Variants in PRKCE observed in about 807,000 individuals in gnomAD.
PRKCE encodes protein kinase C epsilon, also known as protein kinase C epsilon type.
In PRKCE, 16 loss-of-function variants were observed where a neutral mutation model predicts 85.4. That is an observed-to-expected ratio of 0.19 (90% CI 0.13 to 0.28). The LOEUF (loss-of-function observed/expected upper bound fraction) is 0.28. PRKCE is among the 10% of genes least tolerant of loss of function. PRKCE has a pLI of 1.00. For missense variants in PRKCE, 573 were observed against 975.2 expected, an observed-to-expected ratio of 0.59 and a Z score of 5.49; for synonymous variants, 388 against 371.5, an observed-to-expected ratio of 1.04 and a Z score of -0.51.
chr2:45,906,311 A>C (rs1460325528), intron 2 of PRKCE, among the ~76,000 whole-genome samples: 1 of 152,242 alleles, frequency 6.6e-6, no homozygotes, highest in East Asian at 1.9e-4. Flanking sequence ...GACATTGCCA[A>C]GGTGCAGAGA....
chr2:45,905,873 G>T lies in PRKCE; in HGVS notation c.412+62810G>T, dbSNP rs146132092. Among the ~76,000 whole-genome samples, 1,076 of 152,294 alleles carry T rather than the reference G, an allele frequency of 7.1e-3. 3 individuals are homozygous for T. The highest frequency in any genetic ancestry group is 0.011 in the Non-Finnish European group (767 of 68,024). On this transcript the variant is annotated intron_variant, in intron 2 of 14. Transcript: ENST00000306156. This position sits in a 1 kb window ranked among gnomAD's most constrained non-coding sequence, Gnocchi z 4.4. ...CACAGTGGGAATAATTTCCTTGAAGGTCTTTACTCCAAGAGGTTCCCTGGG... is the reference window on the plus strand; with the variant it reads ...CACAGTGGGAATAATTTCCTTGAAGTTCTTTACTCCAAGAGGTTCCCTGGG...
At chr2:45,938,355 A>G (rs1699628626) in intron 2 of PRKCE, among the ~76,000 whole-genome samples, 1 of 152,180 alleles carries the variant, frequency 6.6e-6, no homozygotes, top group African/African-American at 2.4e-5. Context: ...ATCCTCCAAG[A>G]AAGGACACAG....
chr2:45,740,079 G>T (rs1440551996), intron 1 of PRKCE, among the ~76,000 whole-genome samples: 1 of 151,962 alleles, frequency 6.6e-6, no homozygotes, highest in South Asian at 2.1e-4. Context: ...CTACCTGGGA[G>T]GCTGAGGCTG....
At position 45,774,856 on chromosome 2, in the gene PRKCE, G is replaced by T. The variant is rs1032556575; in HGVS notation, c.349-68144G>T. Among the ~76,000 whole-genome samples the T allele has an allele frequency of 6.6e-6, 1 of 152,084 alleles. No homozygotes were observed. The highest frequency in any genetic ancestry group is 6.5e-5 in the Admixed American group (1 of 15,276). The stretch of plus-strand genomic sequence containing the variant: ...TCCTGCTCCTCCCATTCCTGAGTTC[G>T]TCTCCAAGTCCAGGGTATCACTGTG... On this transcript the variant is annotated intron_variant, in intron 1 of 14. Transcript: ENST00000306156. This position sits in a 1 kb window ranked among gnomAD's most constrained non-coding sequence, Gnocchi z 4.3.
chr2:46,157,514 C>G (rs1466757747), intron 13 of PRKCE, among the ~76,000 whole-genome samples: 1 of 152,164 alleles, frequency 6.6e-6, no homozygotes, highest in Non-Finnish European at 1.5e-5. Context: ...GACAGCTCCC[C>G]CCACCCACCC....
At chr2:46,118,707 C>T (rs1368715674) in intron 11 of PRKCE, among the ~76,000 whole-genome samples, 1 of 152,058 alleles carries the variant, frequency 6.6e-6, no homozygotes, top group Admixed American at 6.6e-5. Flanking sequence ...AGGATGAGAC[C>T]TAAGGAAAAA....
intron 1 of PRKCE, among the ~76,000 whole-genome samples, chr2:45,694,831 C>G (rs1184799435): frequency 2.0e-5 from 3 of 152,154 alleles, no homozygotes; most frequent in Non-Finnish European, 2.9e-5. Context: ...TCAGGTAGGA[C>G]AAACCTGAAA....
At chr2:45,870,133 C>G (rs1339910239) in intron 2 of PRKCE, among the ~76,000 whole-genome samples, 1 of 152,200 alleles carries the variant, frequency 6.6e-6, no homozygotes, top group Non-Finnish European at 1.5e-5. Context: ...TTGCAGCTAC[C>G]TCTGAAGGGC....
In PRKCE at chr2:46,069,255, A is replaced by G. The variant is rs139744636; in HGVS notation, c.1438-16953A>G. Among the ~76,000 whole-genome samples, 504 of 152,336 alleles carry G rather than the reference A, an allele frequency of 3.3e-3. 3 individuals are homozygous for G. The highest frequency in any genetic ancestry group is 0.012 in the African/African-American group (479 of 41,588). On this transcript the variant is annotated intron_variant, in intron 10 of 14. Coordinates refer to ENST00000306156, the MANE Select transcript of PRKCE (RefSeq NM_005400.3). ...CTTACCTGTTGCTCACCACCTGGAA[A>G]GTGAAATATCTCCAAATTGCCAGTC...
intron 1 of PRKCE, among the ~76,000 whole-genome samples, chr2:45,763,938 C>G (rs779364534): frequency 6.6e-6 from 1 of 152,154 alleles, no homozygotes; most frequent in Non-Finnish European, 1.5e-5. Flanking sequence ...ATCTGACATC[C>G]TTTTACCTAA....
chr2:45,934,648 C>G (rs374182151), intron 2 of PRKCE, among the ~76,000 whole-genome samples: 1 of 132,116 alleles, frequency 7.6e-6, no homozygotes, highest in South Asian at 2.3e-4. Context: ...GACTCTGCCT[C>G]AAAAAAAAAA....
intron 1 of PRKCE, among the ~76,000 whole-genome samples, chr2:45,796,606 C>T (rs918683580): frequency 5.9e-5 from 9 of 152,284 alleles, no homozygotes; most frequent in Middle Eastern, 3.4e-3. Context: ...TCACCTTCTC[C>T]ACCTGCAAAA....
intron 1 of PRKCE, among the ~76,000 whole-genome samples, chr2:45,832,755 T>C (rs1690540414): frequency 6.6e-6 from 1 of 152,174 alleles, no homozygotes; most frequent in East Asian, 1.9e-4. Flanking sequence ...GGGTCTCCAC[T>C]TGGAGAACCC....
At chr2:46,034,489 A>G (rs1707732192) in intron 10 of PRKCE, among the ~76,000 whole-genome samples, 1 of 152,182 alleles carries the variant, frequency 6.6e-6, no homozygotes, top group African/African-American at 2.4e-5. Context: ...AATTTTGAAA[A>G]CATTGCATAT....
intron 1 of PRKCE, among the ~76,000 whole-genome samples, chr2:45,679,458 A>G (rs947988072): frequency 3.9e-5 from 6 of 152,288 alleles, no homozygotes; most frequent in African/African-American, 1.4e-4. Context: ...CTCAGTTTGC[A>G]ATCTAACAGG....
At chr2:45,954,708 G>T (rs1244919476) in intron 2 of PRKCE, among the ~76,000 whole-genome samples, 1 of 152,178 alleles carries the variant, frequency 6.6e-6, no homozygotes, top group Non-Finnish European at 1.5e-5. Flanking sequence ...TCTTATACAA[G>T]GAAACAATTA....
chr2:45,963,322 T>C (rs1209658917), intron 2 of PRKCE, among the ~76,000 whole-genome samples: 1 of 152,202 alleles, frequency 6.6e-6, no homozygotes, highest in East Asian at 1.9e-4. Context: ...ATTTATTTAT[T>C]TTTTTAGACC....
At chr2:45,658,001 C>T (rs577037956) in intron 1 of PRKCE, among the ~76,000 whole-genome samples, 8 of 152,204 alleles carry the variant, frequency 5.3e-5, no homozygotes, top group Non-Finnish European at 1.2e-4. Context: ...ATATGTTACT[C>T]TAGAGCACAT....
chr2:46,173,778 A>C (rs186634533), intron 14 of PRKCE, among the ~76,000 whole-genome samples: 117 of 152,362 alleles, frequency 7.7e-4, no homozygotes, highest in African/African-American at 2.6e-3. Flanking sequence ...TATAGACCCC[A>C]GCTAATTCCC....
Sources: gnomAD v4.1 joint callset for allele counts (sites outside exome capture counted in the v4.1 genomes callset) on GRCh38, gnomAD v4.1.1 for gene constraint, Gnocchi (gnomAD v3.1) non-coding constraint, MANE v1.5 for transcripts, NCBI Gene and HGNC (gene_info 2026-07-23, HGNC 2026-07-21) for gene names.